CCL23: variants seen among roughly 807,000 people sequenced by gnomAD.
CCL23 encodes C-C motif chemokine ligand 23.
CCL23 carries 10 observed loss-of-function variants against 11.8 expected under a neutral mutation model. That is an observed-to-expected ratio of 0.84 (90% CI 0.52 to 1.43). The LOEUF (loss-of-function observed/expected upper bound fraction) is 1.43, where lower values mean the gene tolerates loss of function less well. Ranked by LOEUF, CCL23 falls within the 40% of genes most tolerant of loss-of-function variation. CCL23 has a pLI of 0.00. For missense variants in CCL23, 181 were observed against 170.9 expected, an observed-to-expected ratio of 1.06 and a Z score of -0.33; for synonymous variants, 60 against 61.0, an observed-to-expected ratio of 0.98 and a Z score of 0.07.
rs111373433 is a variant in CCL23 at position 36,017,959 on chromosome 17, G to A, written c.-62C>T. On this transcript the variant is annotated 5_prime_UTR_variant, in exon 1 of 4. Coordinates refer to ENST00000615050, the MANE Select transcript of CCL23 (RefSeq NM_005064.6). ...TGGGCTCACTGCTTCCTGGCTTCTC[G>A]GGATGCCAGTTCTGCCCTTGTATTT... The A allele has an allele frequency of 1.1e-5, 17 of 1,578,790 alleles. No individual in the cohort carries two copies. The highest frequency in any genetic ancestry group is 4.5e-5 in the East Asian group (2 of 44,204).
At chr17:36,016,610 T>G (rs866986144) in intron 1 of CCL23, among the ~76,000 whole-genome samples, 1 of 152,064 alleles carries the variant, frequency 6.6e-6, no homozygotes, top group Non-Finnish European at 1.5e-5. Context: ...TCTTTGCTAT[T>G]GTGATTAGTG....
Position 36,014,344 on chromosome 17 carries a change from T to C in CCL23, c.126A>G (p.Val42=), listed in dbSNP as rs1311388628. Residue 42 remains valine (V), a synonymous_variant, in exon 2 of 4, where the codon GTA becomes GTG. Transcript: ENST00000615050. Reference sequence around the variant, plus strand: ...TATCTGATCACTTACTGTCCAGAAGTACTGGATTTTCCAATGGAAGCTTTG... The same window carrying C: ...TATCTGATCACTTACTGTCCAGAAGCACTGGATTTTCCAATGGAAGCTTTG... ...MMSKLPLENP[V]LLDMLWRRKI... is the part of the protein sequence containing the mutation. 2 of 1,612,022 alleles carry C rather than the reference T, an allele frequency of 1.2e-6. No homozygotes were observed. The highest frequency in any genetic ancestry group is 1.7e-6 in the Non-Finnish European group (2 of 1,178,010).
chr17:36,016,730 C>A (rs925241887), intron 1 of CCL23, among the ~76,000 whole-genome samples: 4 of 148,682 alleles, frequency 2.7e-5, no homozygotes, highest in African/African-American at 7.4e-5. Context: ...TATTAAATAT[C>A]TTTTAATATA....
intron 1 of CCL23, 86 bp downstream of exon 1, chr17:36,017,736 G>C (rs2090108091): frequency 8.4e-7 from 1 of 1,185,124 alleles, no homozygotes; most frequent in Non-Finnish European, 1.2e-6. Flanking sequence ...GGGATGGAGA[G>C]TAGTTACAGG....
rs2090069335 is a variant in CCL23 at position 36,013,150 on chromosome 17, C to G, written c.*47G>C. On this transcript the variant is annotated 3_prime_UTR_variant, in exon 4 of 4. Transcript: ENST00000615050. ...AAATAATTCAGGAAGGTAGTTGAGG[C>G]AAGAAAGTTGGTGGCTGGCAACTTG... 2.7e-6 allele frequency: 3 copies of G among 1,117,324 alleles called. No individual in the cohort carries two copies. The Admixed American group carries it at 5.1e-5, about 19-fold the overall frequency. 69.2% of individuals were successfully genotyped at this position (1,117,324 alleles called of 1,614,324 possible).
chr17:36,014,326 T>C lies in CCL23; in HGVS notation c.136+8A>G, dbSNP rs1370285868. 6.3e-7 allele frequency: 1 copy of C among 1,599,972 alleles called. No homozygotes were observed. The highest frequency in any genetic ancestry group is 8.6e-7 in the Non-Finnish European group (1 of 1,166,994). ...GCTTTTAAATATATGCCGTATCTGATCACTTACTGTCCAGAAGTACTGGAT... is the reference window on the plus strand; with the variant it reads ...GCTTTTAAATATATGCCGTATCTGACCACTTACTGTCCAGAAGTACTGGAT... On this transcript the variant is annotated splice_region_variant and intron_variant, in intron 2 of 3. Coordinates refer to ENST00000615050, the MANE Select transcript of CCL23 (RefSeq NM_005064.6).
intron 1 of CCL23, among the ~76,000 whole-genome samples, chr17:36,015,683 A>G (rs2090092490): frequency 6.6e-6 from 1 of 152,200 alleles, no homozygotes; most frequent in Admixed American, 6.5e-5. Context: ...CCTTTCTTTT[A>G]AATTTTAATC....
At chr17:36,016,800 A>C (rs2090101517) in intron 1 of CCL23, among the ~76,000 whole-genome samples, 1 of 150,118 alleles carries the variant, frequency 6.7e-6, no homozygotes, top group Admixed American at 6.7e-5. Context: ...ATTTAATATA[A>C]TTTAACAATT....
intron 3 of CCL23, 79 bp downstream of exon 3, chr17:36,013,665 A>T: frequency 7.2e-7 from 1 of 1,385,116 alleles, no homozygotes; most frequent in Non-Finnish European, 1.0e-6. Flanking sequence ...CCTGATGGAC[A>T]CCAGTCTATC....
Position 36,013,805 on chromosome 17 carries a change from G to A in CCL23, c.241C>T (p.Pro81Ser). ...CCISYTPRSIPCSLLESYFET... is the reference protein window; with the variant it reads ...CCISYTPRSISCSLLESYFET... ...AAGTAACTCTCCAGGAGTGAACACG[G>A]GATGCTTCGTGGGGTGTAGGAGATG... is the stretch of plus-strand genomic sequence containing the variant. Residue 81 changes from proline to serine, a missense_variant, in exon 3 of 4, where the codon CCG (proline) becomes TCG (serine). Transcript: ENST00000615050. 1 of 1,614,172 alleles carries A rather than the reference G, an allele frequency of 6.2e-7. No homozygotes were observed. Among genetic ancestry groups the A allele is most frequent in the Non-Finnish European group, 8.5e-7 (1 of 1,180,012 alleles).
rs2090073422 is a variant in CCL23 at position 36,013,510 on chromosome 17, A to G, written c.303-202T>C. The G allele has an allele frequency of 4.9e-6, 3 of 613,986 alleles. No individual in the cohort carries two copies. In the East Asian group the frequency reaches 8.2e-5, roughly 17 times the overall value. 38.0% of individuals were successfully genotyped at this position (613,986 alleles called of 1,614,324 possible). A position where few individuals can be genotyped will look rare whatever the true frequency, so the allele number is the denominator to read the frequency against. ...AGCCTGTGGGACTCCCTAGTGACTC[A>G]TGGGAGCATCCTTGGGCAGACTTGT... On this transcript the variant is annotated intron_variant, in intron 3 of 3. Coordinates refer to ENST00000615050, the MANE Select transcript of CCL23 (RefSeq NM_005064.6).
Position 36,013,291 on chromosome 17 carries a change from C to T in CCL23, c.320G>A (p.Gly107Glu). The T allele has an allele frequency of 2.5e-6, 4 of 1,613,174 alleles. No homozygotes were observed. The highest frequency in any genetic ancestry group is 3.4e-6 in the Non-Finnish European group (4 of 1,179,240). Reference sequence around the variant, plus strand: ...ACTGGGGTTGGCACAGAAACGTCGCCCCTTCTTGGTGAGGAAGCTAGGGAA... The same window carrying T: ...ACTGGGGTTGGCACAGAAACGTCGCTCCTTCTTGGTGAGGAAGCTAGGGAA... ...KPGVIFLTKKGRRFCANPSDK... is the reference protein window; with the variant it reads ...KPGVIFLTKKERRFCANPSDK... The change falls in exon 4 of 4, where the codon GGG (glycine) becomes GAG (glutamate). Residue 107 changes from glycine to glutamate, a missense_variant. Physicochemically the swap from Gly to Glu is moderately conservative, Grantham distance 98 (BLOSUM62 -2). Coordinates refer to ENST00000615050, the MANE Select transcript of CCL23 (RefSeq NM_005064.6).
Position 36,013,113 on chromosome 17 carries a change from T to C in CCL23, c.*84A>G, listed in dbSNP as rs750349490. ...TCTAAATCCAGAACACAAGAATAAA[T>C]GCTTCTTAAAAAAATAATTCAGGAA... On this transcript the variant is annotated 3_prime_UTR_variant, in exon 4 of 4. Transcript: ENST00000615050. The C allele has an allele frequency of 1.5e-5, 12 of 795,854 alleles. No homozygotes were observed. Among genetic ancestry groups the C allele is most frequent in the African/African-American group, 3.3e-5 (2 of 59,754 alleles). The allele number at this position is 795,854 out of a possible 1,614,324, so 49.3% of individuals were successfully genotyped here.
chr17:36,015,764 C>T (rs1207099144), intron 1 of CCL23, among the ~76,000 whole-genome samples: 10 of 152,024 alleles, frequency 6.6e-5, no homozygotes, highest in African/African-American at 1.2e-4. Flanking sequence ...TGGCCGGGTG[C>T]GGTGGCTCAC....
At chr17:36,013,527 C>A in intron 3 of CCL23, 1 of 620,494 alleles carries the variant, frequency 1.6e-6, no homozygotes, top group African/African-American at 1.8e-5. Context: ...CATCCTTGGG[C>A]AGACTTGTGC....
At chr17:36,014,283 G>A (rs773732734) in intron 2 of CCL23, 51 bp downstream of exon 2, 6 of 1,320,294 alleles carry the variant, frequency 4.5e-6, no homozygotes, top group Non-Finnish European at 6.6e-6. Flanking sequence ...CCATAGTGCA[G>A]ACCTGCACCT....
intron 1 of CCL23, among the ~76,000 whole-genome samples, chr17:36,015,866 G>A (rs546937941): frequency 8.6e-5 from 13 of 151,134 alleles, no homozygotes; most frequent in Non-Finnish European, 1.3e-4. Context: ...TTGAAATCCC[G>A]TCTCTACTAA....
rs1243320323 is a variant in CCL23 at position 36,013,789 on chromosome 17, T to C, written c.257A>G (p.Glu86Gly). 1.2e-6 allele frequency: 2 copies of C among 1,614,014 alleles called. No individual in the cohort carries two copies. Among genetic ancestry groups the C allele is most frequent in the Admixed American group, 1.7e-5 (1 of 60,000 alleles). Residue 86 changes from glutamate to glycine, a missense_variant, in exon 3 of 4, where the codon GAG (glutamate) becomes GGG (glycine). Transcript: ENST00000615050. ...CTCGCTGTTCGTTTCAAAGTAACTC[T>C]CCAGGAGTGAACACGGGATGCTTCG... ...TPRSIPCSLLESYFETNSECS... is the reference protein window; with the variant it reads ...TPRSIPCSLLGSYFETNSECS...
At position 36,017,893 on chromosome 17, in the gene CCL23, T is replaced by C; in HGVS notation, c.5A>G (p.Lys2Arg). The C allele has an allele frequency of 1.9e-6, 3 of 1,613,588 alleles. No homozygotes were observed. Among genetic ancestry groups the C allele is most frequent in the Middle Eastern group, 3.5e-4 (2 of 5,756 alleles). Residue 2 changes from lysine to arginine, a missense_variant, in exon 1 of 4, where the codon AAG becomes AGG. Physicochemically the swap from Lys to Arg is conservative, Grantham distance 26. Coordinates refer to ENST00000615050, the MANE Select transcript of CCL23 (RefSeq NM_005064.6). ...GCAGGAGAGGGCAGCCACGGAGACC[T>C]TCATCCTCCTGGTGGGCAGGCAGGG... is the stretch of plus-strand genomic sequence containing the variant. M[K>R]VSVAALSCLM...
Sources: allele counts gnomAD v4.1 joint callset (sites outside exome capture counted in the v4.1 genomes callset), GRCh38; gene constraint gnomAD v4.1.1; transcripts MANE v1.5; gene names NCBI Gene and HGNC (gene_info 2026-07-23, HGNC 2026-07-21).